Variants in CSMD1 observed in about 807,000 individuals in gnomAD.
CSMD1 encodes CUB and Sushi multiple domains 1.
In CSMD1, 213 loss-of-function variants were observed where a neutral mutation model predicts 417.5. That is an observed-to-expected ratio of 0.51 (90% CI 0.46 to 0.57). CSMD1 has a LOEUF of 0.57. Ranked by LOEUF, CSMD1 falls within the 20% of genes least tolerant of loss-of-function variation. The pLI is 0.00. For missense variants in CSMD1, 6,923 were observed against 4,529.7 expected (o/e 1.53, Z -15.17); for synonymous variants, 2,862 against 1,736.8 (o/e 1.65, Z -16.11).
At chr8:3,771,281 C>G (rs1015287879) in intron 5 of CSMD1, among the ~76,000 whole-genome samples, 1 of 152,146 alleles carries the variant, frequency 6.6e-6, no homozygotes, top group Non-Finnish European at 1.5e-5. Context: ...GGTCCAGAGG[C>G]TGCACCTGCT....
intron 5 of CSMD1, among the ~76,000 whole-genome samples, chr8:3,835,646 G>A (rs1027888740): frequency 2.0e-5 from 3 of 151,268 alleles, no homozygotes; most frequent in Non-Finnish European, 2.9e-5. Flanking sequence ...CACCAACATG[G>A]CACATGTATA....
At chr8:4,024,413 T>A (rs1796954989) in intron 4 of CSMD1, among the ~76,000 whole-genome samples, 1 of 152,144 alleles carries the variant, frequency 6.6e-6, no homozygotes, top group African/African-American at 2.4e-5. Flanking sequence ...TGGGAAAACT[T>A]TATTATTAAA....
intron 5 of CSMD1, among the ~76,000 whole-genome samples, chr8:3,934,955 C>G (rs971324897): frequency 3.3e-5 from 5 of 151,936 alleles, no homozygotes; most frequent in Non-Finnish European, 5.9e-5. Flanking sequence ...GTAATATTTA[C>G]AAAAAACTAA....
intron 3 of CSMD1, among the ~76,000 whole-genome samples, chr8:4,079,455 C>T (rs1404550975): frequency 6.6e-6 from 1 of 152,206 alleles, no homozygotes; most frequent in Non-Finnish European, 1.5e-5. Context: ...CAGCTCCATT[C>T]TTCTGAGTTC....
At chr8:4,987,865 C>G (rs1811262816) in intron 1 of CSMD1, among the ~76,000 whole-genome samples, 5 of 152,178 alleles carry the variant, frequency 3.3e-5, no homozygotes, top group Admixed American at 3.3e-4. Context: ...AAATCGGACT[C>G]TAAGGTGTTC....
intron 10 of CSMD1, among the ~76,000 whole-genome samples, chr8:3,557,344 G>A (rs780823731): frequency 3.2e-4 from 48 of 152,062 alleles, no homozygotes; most frequent in Non-Finnish European, 5.9e-4. Context: ...CTCTCTAGTG[G>A]GGTAAAACAT....
At chr8:3,461,795 C>T (rs537468598) in intron 12 of CSMD1, among the ~76,000 whole-genome samples, 4 of 152,300 alleles carry the variant, frequency 2.6e-5, no homozygotes, top group East Asian at 1.9e-4. Context: ...GACTCTCTTA[C>T]GTGTGATAGA....
intron 3 of CSMD1, among the ~76,000 whole-genome samples, chr8:4,255,576 G>A (rs1163555242): frequency 6.6e-6 from 1 of 152,130 alleles, no homozygotes; most frequent in Non-Finnish European, 1.5e-5. Flanking sequence ...TTTTTTCTAA[G>A]ACACAGAAAT....
chr8:4,969,182 G>A (rs559133835), intron 1 of CSMD1, among the ~76,000 whole-genome samples: 1 of 152,096 alleles, frequency 6.6e-6, no homozygotes, highest in Non-Finnish European at 1.5e-5. Flanking sequence ...GTGTGTGCGT[G>A]TGTGTTGGTC....
chr8:4,668,102 A>G (rs1451300634), intron 1 of CSMD1, among the ~76,000 whole-genome samples: 1 of 152,172 alleles, frequency 6.6e-6, no homozygotes, highest in Non-Finnish European at 1.5e-5. Flanking sequence ...TTGCACGTGT[A>G]GCTTTTAGCA....
intron 26 of CSMD1, among the ~76,000 whole-genome samples, chr8:3,273,316 C>A (rs1802011741): frequency 6.6e-6 from 1 of 152,136 alleles, no homozygotes; most frequent in African/African-American, 2.4e-5. Context: ...TTTTGATGTG[C>A]TGCTGGATTC....
intron 5 of CSMD1, among the ~76,000 whole-genome samples, chr8:3,904,430 G>C (rs1417645320): frequency 1.3e-5 from 2 of 152,118 alleles, no homozygotes; most frequent in African/African-American, 2.4e-5. Flanking sequence ...TCAAACTTGA[G>C]TGTGTCTAGG....
At chr8:3,416,934 T>C (rs1387800847) in intron 12 of CSMD1, among the ~76,000 whole-genome samples, 1 of 152,234 alleles carries the variant, frequency 6.6e-6, no homozygotes, top group African/African-American at 2.4e-5. Context: ...TAAAATTAGG[T>C]TCACCCATAG....
chr8:4,135,337 A>AAGGAGG (rs1554464780), intron 3 of CSMD1, among the ~76,000 whole-genome samples: 8 of 33,844 alleles, frequency 2.4e-4, no homozygotes, highest in African/African-American at 8.4e-4. Flanking sequence ...GGAAGGGGAA[A>AAGGAGG]GAAGGAAGGA....
intron 1 of CSMD1, among the ~76,000 whole-genome samples, chr8:4,720,970 C>T (rs1019623652): frequency 1.3e-5 from 2 of 152,130 alleles, no homozygotes; most frequent in African/African-American, 4.8e-5. Flanking sequence ...CTGCCTACTT[C>T]ACCGGAAGAC....
rs140712132 is a variant in CSMD1, at chr8:4,350,518, A to T, written c.415+69435T>A. Among the ~76,000 whole-genome samples, 22 of 152,344 alleles carry T rather than the reference A, an allele frequency of 1.4e-4. No homozygotes were observed. In the South Asian group the frequency reaches 4.6e-3, roughly 32 times the overall value. ...AAGATCACCGCAGCAGTGAGCTCTC[A>T]GCCTGAAGGAGGTAGGAATGGAGGC... On this transcript the variant is annotated intron_variant, in intron 3 of 69. Transcript: ENST00000635120.
rs62502927 is a variant in CSMD1, at chr8:3,183,365, A to G, written c.5621-2151T>C. Among the ~76,000 whole-genome samples, 416 of 77,230 alleles carry G rather than the reference A, an allele frequency of 5.4e-3. 38 individuals are homozygous for G. The highest frequency in any genetic ancestry group is 0.014 in the African/African-American group (384 of 27,784). 50.7% of individuals were successfully genotyped at this position (77,230 alleles called of 152,430 possible). A position where few individuals can be genotyped will look rare whatever the true frequency, so the allele number is the denominator to read the frequency against. On this transcript the variant is annotated intron_variant, in intron 36 of 69. Coordinates refer to ENST00000635120, the MANE Select transcript of CSMD1 (RefSeq NM_033225.6). ...AGTAGGTCTCTAATGTTTCTTAACG[A>G]TACCATCGGCACCCACCGACGTCAC...
intron 3 of CSMD1, among the ~76,000 whole-genome samples, chr8:4,044,086 G>C (rs567615453): frequency 1.3e-5 from 2 of 152,114 alleles, no homozygotes; most frequent in African/African-American, 2.4e-5. Context: ...CCCATTGCTT[G>C]TCTCTGTGAT....
At chr8:3,586,048 AATGCTTC>A in intron 9 of CSMD1, 81 bp downstream of exon 9, 1 of 1,368,082 alleles carries the variant, frequency 7.3e-7, no homozygotes, top group Non-Finnish European at 9.9e-7. Flanking sequence ...TCCCATACAC[AATGCTTC>A]ATGCTTAAAT....
Sources: allele counts gnomAD v4.1 joint callset (sites outside exome capture counted in the v4.1 genomes callset), GRCh38; gene constraint gnomAD v4.1.1; transcripts MANE v1.5; gene names NCBI Gene and HGNC (gene_info 2026-07-23, HGNC 2026-07-21).